Variants in CACNA2D3 observed in about 807,000 individuals in gnomAD.
CACNA2D3 encodes the protein voltage-dependent calcium channel subunit alpha-2/delta-3.
CACNA2D3 carries 60 observed loss-of-function variants against 160.6 expected under a neutral mutation model. That is an observed-to-expected ratio of 0.37 (90% CI 0.30 to 0.46). CACNA2D3 has a LOEUF of 0.46. Among genes scored for constraint, CACNA2D3 ranks in the 20% least tolerant of loss-of-function variants. CACNA2D3 has a pLI of 1.00. For synonymous variants in CACNA2D3, 558 were observed against 492.9 expected (o/e 1.13, Z -1.75); for missense variants, 1,205 against 1,365.0 (o/e 0.88, Z 1.85).
At chr3:55,024,737 T>A (rs1054390893) in intron 35 of CACNA2D3, among the ~76,000 whole-genome samples, 1 of 152,188 alleles carries the variant, frequency 6.6e-6, no homozygotes, top group African/African-American at 2.4e-5. Flanking sequence ...TGGAAACACA[T>A]AACACCAAAT....
At chr3:54,647,289 C>T (rs1394705334) in intron 11 of CACNA2D3, among the ~76,000 whole-genome samples, 1 of 152,180 alleles carries the variant, frequency 6.6e-6, no homozygotes, top group African/African-American at 2.4e-5. Context: ...CAGTAGAAAA[C>T]TAACACAAGA....
At chr3:54,862,378 TACAC>T (rs113055285) in intron 17 of CACNA2D3, among the ~76,000 whole-genome samples, 7,268 of 149,620 alleles carry the variant, frequency 0.049, 263 homozygotes, top group African/African-American at 0.099. Context: ...TAAATAAAAT[TACAC>T]ACACACACAC....
intron 4 of CACNA2D3, among the ~76,000 whole-genome samples, chr3:54,410,299 C>T (rs1327809632): frequency 8.6e-5 from 13 of 151,734 alleles, no homozygotes; most frequent in South Asian, 4.2e-4. Flanking sequence ...GGATGCAGTG[C>T]GCCGAGATTG....
chr3:54,555,874 A>G lies in CACNA2D3; in HGVS notation c.545-6926A>G, dbSNP rs145139772. On this transcript the variant is annotated intron_variant, in intron 5 of 37. Coordinates refer to ENST00000474759, the MANE Select transcript of CACNA2D3 (RefSeq NM_018398.3). ...TTGATACATACACTTGACATTCAGCAAAGTGATTTTAATCCAACTTAGTGC... is the reference window on the plus strand; with the variant it reads ...TTGATACATACACTTGACATTCAGCGAAGTGATTTTAATCCAACTTAGTGC... Among the ~76,000 whole-genome samples the G allele has an allele frequency of 3.0e-3, 451 of 152,368 alleles. 4 individuals are homozygous for G. Among genetic ancestry groups the G allele is most frequent in the East Asian group, 9.8e-3 (51 of 5,188 alleles).
intron 2 of CACNA2D3, among the ~76,000 whole-genome samples, chr3:54,247,379 A>G (rs1459245165): frequency 6.6e-6 from 1 of 152,186 alleles, no homozygotes; most frequent in East Asian, 1.9e-4. Flanking sequence ...TAAAACATTA[A>G]GAAAGTGATA....
At chr3:54,838,518 T>C in intron 15 of CACNA2D3, 50 bp from the exon 16 acceptor site, 1 of 1,425,358 alleles carries the variant, frequency 7.0e-7, no homozygotes, top group Non-Finnish European at 9.9e-7. Flanking sequence ...TTCTATTTCT[T>C]TTGCCAAGTT....
At chr3:54,955,007 T>A (rs9840874) in intron 27 of CACNA2D3, among the ~76,000 whole-genome samples, 5,419 of 152,248 alleles carry the variant, frequency 0.036, 311 homozygotes, top group African/African-American at 0.12. Flanking sequence ...ATGAGAGGTG[T>A]AGAGAAAACT....
chr3:54,148,128 C>T (rs1047937464), intron 2 of CACNA2D3, among the ~76,000 whole-genome samples: 1 of 152,212 alleles, frequency 6.6e-6, no homozygotes, highest in Non-Finnish European at 1.5e-5. Context: ...CTGGCTTCCG[C>T]GATGGCCCAA....
At chr3:54,621,663 G>A (rs907192716) in intron 9 of CACNA2D3, among the ~76,000 whole-genome samples, 9 of 152,200 alleles carry the variant, frequency 5.9e-5, no homozygotes, top group African/African-American at 1.7e-4. Context: ...TGACTTGGGC[G>A]ATCTGGAGCC....
intron 11 of CACNA2D3, among the ~76,000 whole-genome samples, chr3:54,647,853 TGAG>T (rs1699682922): frequency 6.6e-6 from 1 of 152,240 alleles, no homozygotes. Flanking sequence ...AGAGCAGAAA[TGAG>T]GAGCTATTTA....
At chr3:54,558,069 A>G (rs949356564) in intron 5 of CACNA2D3, among the ~76,000 whole-genome samples, 3 of 152,126 alleles carry the variant, frequency 2.0e-5, no homozygotes, top group African/African-American at 7.2e-5. Context: ...ACAGCTGTGG[A>G]GGAGAGGAGG....
chr3:54,823,828 T>C (rs1703692262), intron 14 of CACNA2D3, among the ~76,000 whole-genome samples: 2 of 152,204 alleles, frequency 1.3e-5, no homozygotes, highest in South Asian at 4.1e-4. Context: ...TTCCTAGTGG[T>C]AGGAGAACAA....
intron 24 of CACNA2D3, among the ~76,000 whole-genome samples, chr3:54,890,219 A>G (rs1198404922): frequency 6.6e-6 from 1 of 152,182 alleles, no homozygotes; most frequent in Non-Finnish European, 1.5e-5. Context: ...TTTGTGGACC[A>G]GGCATGGTGG....
chr3:54,608,803 T>A (rs1698688137), intron 9 of CACNA2D3, among the ~76,000 whole-genome samples: 1 of 152,206 alleles, frequency 6.6e-6, no homozygotes, highest in Non-Finnish European at 1.5e-5. Context: ...AAGAAATGTA[T>A]AACTAGGGAC....
intron 4 of CACNA2D3, among the ~76,000 whole-genome samples, chr3:54,481,986 T>A (rs1285840700): frequency 1.3e-5 from 2 of 152,212 alleles, no homozygotes; most frequent in African/African-American, 2.4e-5. Flanking sequence ...TGGGTTTCAT[T>A]GGCACACAAA....
chr3:54,534,813 T>G (rs6445689), intron 5 of CACNA2D3, among the ~76,000 whole-genome samples: 147,540 of 152,072 alleles, frequency 0.97, 71,717 homozygotes, highest in East Asian at 1. Flanking sequence ...TGTAGTCCCA[T>G]CTACTTAAGA....
chr3:54,652,134 C>T (rs1236659803), intron 11 of CACNA2D3, among the ~76,000 whole-genome samples: 2 of 151,792 alleles, frequency 1.3e-5, no homozygotes, highest in Admixed American at 6.6e-5. Context: ...GCTCCACCCA[C>T]CCCCTAGCCT....
intron 17 of CACNA2D3, among the ~76,000 whole-genome samples, chr3:54,860,341 ATGCC>A (rs1699265296): frequency 6.6e-6 from 1 of 152,118 alleles, no homozygotes; most frequent in Admixed American, 6.6e-5. Context: ...ATTCTTCCAA[ATGCC>A]TGCTTCTCCC....
At chr3:54,254,355 C>T (rs1432417065) in intron 2 of CACNA2D3, among the ~76,000 whole-genome samples, 1 of 152,192 alleles carries the variant, frequency 6.6e-6, no homozygotes, top group Non-Finnish European at 1.5e-5. Context: ...TTCAAGGGGG[C>T]TGGCCTAGGG....
Sources: gnomAD v4.1 joint callset for allele counts (sites outside exome capture counted in the v4.1 genomes callset) on GRCh38, gnomAD v4.1.1 for gene constraint, MANE v1.5 for transcripts, NCBI Gene and HGNC (gene_info 2026-07-23, HGNC 2026-07-21) for gene names.